The following PDE3B variants were observed in gnomAD, a reference collection of about 807,000 sequenced individuals.
PDE3B encodes the protein phosphodiesterase 3B, also known as cGMP-inhibited 3',5'-cyclic phosphodiesterase 3B.
In PDE3B, 66 loss-of-function variants were observed where a neutral mutation model predicts 116.8. That is an observed-to-expected ratio of 0.56 (90% confidence interval 0.46 to 0.69). The LOEUF is 0.69. PDE3B is among the 30% of genes least tolerant of loss of function. The pLI is 0.00. For synonymous variants in PDE3B, 595 were observed against 533.6 expected (o/e 1.12, Z -1.59); for missense variants, 1,384 against 1,368.1 (o/e 1.01, Z -0.18).
chr11:14,811,190 A>G (rs1859115784), intron 5 of PDE3B, among the ~76,000 whole-genome samples: 1 of 151,942 alleles, frequency 6.6e-6, no homozygotes, highest in African/African-American at 2.4e-5. Context: ...CCATTTGTCA[A>G]TTTTGGCTTT....
chr11:14,813,164 A>G (rs1859205833), intron 5 of PDE3B, among the ~76,000 whole-genome samples: 1 of 152,196 alleles, frequency 6.6e-6, no homozygotes, highest in African/African-American at 2.4e-5. Flanking sequence ...ATCCAAAGGG[A>G]CTAACACACT....
At chr11:14,742,342 A>G (rs1004880040) in intron 1 of PDE3B, among the ~76,000 whole-genome samples, 12 of 152,022 alleles carry the variant, frequency 7.9e-5, no homozygotes, top group African/African-American at 1.7e-4. Context: ...TTGATCTTCA[A>G]TCTCTGATAT....
chr11:14,774,823 A>G (rs1307794584), intron 2 of PDE3B: 3 of 152,238 alleles, frequency 2.0e-5, no homozygotes, highest in Non-Finnish European at 4.4e-5. Flanking sequence ...AAGAACTTAC[A>G]CAACATGGTT....
chr11:14,674,780 A>G (rs1047085565), intron 1 of PDE3B, among the ~76,000 whole-genome samples: 2 of 152,170 alleles, frequency 1.3e-5, no homozygotes, highest in African/African-American at 2.4e-5. Context: ...CCTGATTGCA[A>G]CTGGGATGGA....
chr11:14,643,880 C>T lies in PDE3B; in HGVS notation c.-196C>T. ...GAGAGAAGCCCCTTCCGCCCCTCTC[C>T]TCAGCCAGCATGTCCCGGACTCCGC... is the stretch of plus-strand genomic sequence containing the variant. On this transcript the variant is annotated 5_prime_UTR_variant, in exon 1 of 16. Transcript: ENST00000282096. 1.3e-6 allele frequency: 1 copy of T among 758,230 alleles called. No homozygotes were observed. Among genetic ancestry groups the T allele is most frequent in the Admixed American group, 4.1e-5 (1 of 24,474 alleles). The allele number at this position is 758,230 out of a possible 1,614,324, so 47.0% of individuals were successfully genotyped here. A position where few individuals can be genotyped will look rare whatever the true frequency, so the allele number is the denominator to read the frequency against.
At chr11:14,715,115 A>T (rs1291759234) in intron 1 of PDE3B, among the ~76,000 whole-genome samples, 2 of 152,206 alleles carry the variant, frequency 1.3e-5, no homozygotes, top group African/African-American at 4.8e-5. Context: ...CAATTATTAA[A>T]ATAATGATAA....
intron 1 of PDE3B, among the ~76,000 whole-genome samples, chr11:14,752,338 A>G (rs940045122): frequency 2.0e-5 from 3 of 152,120 alleles, no homozygotes; most frequent in African/African-American, 7.2e-5. Flanking sequence ...AAAGAGTTTT[A>G]CTTTCTCTTT....
chr11:14,863,157 T>C (rs1555007510), intron 14 of PDE3B, among the ~76,000 whole-genome samples: 4 of 152,194 alleles, frequency 2.6e-5, no homozygotes, highest in Admixed American at 1.3e-4. Flanking sequence ...GTTTCTGTTT[T>C]TGCTGAGAAT....
intron 1 of PDE3B, among the ~76,000 whole-genome samples, chr11:14,666,532 C>T (rs1301501698): frequency 3.3e-5 from 5 of 150,982 alleles, no homozygotes; most frequent in Non-Finnish European, 7.4e-5. Context: ...GCAACCTACT[C>T]ATCTGACAAA....
Position 14,789,211 on chromosome 11 carries a change from A to C in PDE3B, c.1384A>C (p.Lys462Gln). The change falls in exon 4 of 16, where the codon AAA (lysine) becomes CAA (glutamine). Residue 462 changes from lysine to glutamine, a missense_variant. Lys to Gln is a moderately conservative substitution (Grantham distance 53). Around this residue, in one of 2 missense-constraint regions of PDE3B, gnomAD observed 956 missense variants for 806.8 expected, o/e 1.18. Coordinates refer to ENST00000282096, the MANE Select transcript of PDE3B (RefSeq NM_000922.4). ...QSSRWDRNNGKRPHQEFGISS... is the reference protein window; with the variant it reads ...QSSRWDRNNGQRPHQEFGISS... ...TTCAAGGTGGGATCGTAATAATGGC[A>C]AAAGACCTCACCAAGAATTTGGCAT... The C allele has an allele frequency of 6.2e-7, 1 of 1,608,366 alleles. No homozygotes were observed. The highest frequency in any genetic ancestry group is 8.5e-7 in the Non-Finnish European group (1 of 1,176,810).
In PDE3B at chr11:14,756,906, C is replaced by A. The variant is rs377683328; in HGVS notation, c.979-15031C>A. On this transcript the variant is annotated intron_variant, in intron 1 of 15. Transcript: ENST00000282096. ...CATGCTGGTGTGCTGCACCCACTAACTCGTCATCTAGCATTAGGTATATCT... is the reference window on the plus strand; with the variant it reads ...CATGCTGGTGTGCTGCACCCACTAAATCGTCATCTAGCATTAGGTATATCT... Among the ~76,000 whole-genome samples the A allele has an allele frequency of 6.7e-5, 10 of 149,774 alleles. No homozygotes were observed. In the East Asian group the frequency reaches 1.6e-3, roughly 24 times the overall value.
At chr11:14,896,111 C>T in the PDE3B span, among the ~76,000 whole-genome samples, 1 of 152,218 alleles carries the variant, frequency 6.6e-6, no homozygotes, top group African/African-American at 2.4e-5. Context: ...CCAACCAATC[C>T]TTGCCACTTC....
chr11:14,673,825 C>A, intron 1 of PDE3B: 2 of 1,006,946 alleles, frequency 2.0e-6, no homozygotes, highest in Non-Finnish European at 3.2e-6. Context: ...GCAAGAATTT[C>A]GGCATACTGT....
At chr11:14,823,830 C>T (rs866729083) in intron 7 of PDE3B, among the ~76,000 whole-genome samples, 19 of 152,190 alleles carry the variant, frequency 1.2e-4, no homozygotes, top group Non-Finnish European at 2.9e-5. Context: ...AATCTCATAT[C>T]TCTTCACTGG....
the PDE3B span, among the ~76,000 whole-genome samples, chr11:14,894,800 C>T: frequency 2.0e-5 from 3 of 152,174 alleles, no homozygotes; most frequent in Non-Finnish European, 2.9e-5. Flanking sequence ...CTCCCTTATT[C>T]CCCCTTCTTG....
At position 14,832,420 on chromosome 11, in the gene PDE3B, G is replaced by T. The variant is rs189175215; in HGVS notation, c.2095-302G>T. Among the ~76,000 whole-genome samples, 266 of 152,242 alleles carry T rather than the reference G, an allele frequency of 1.7e-3. 1 individual carries two copies. Among genetic ancestry groups the T allele is most frequent in the African/African-American group, 5.9e-3 (247 of 41,550 alleles). On this transcript the variant is annotated intron_variant, in intron 9 of 15. Coordinates refer to ENST00000282096, the MANE Select transcript of PDE3B (RefSeq NM_000922.4). ...GTTTTTAATACCCAGGACTAGATTAGAATAGAATTCACATGACCTTCAGTA... is the reference window on the plus strand; with the variant it reads ...GTTTTTAATACCCAGGACTAGATTATAATAGAATTCACATGACCTTCAGTA...
At chr11:14,878,172 C>G in the PDE3B span, 2 of 1,613,162 alleles carry the variant, frequency 1.2e-6, no homozygotes, top group Non-Finnish European at 1.7e-6. Context: ...AATGTCATGC[C>G]TAACCTGGGC....
At chr11:14,645,165 A>T in intron 1 of PDE3B, 112 bp downstream of exon 1, 2 of 176,796 alleles carry the variant, frequency 1.1e-5, no homozygotes, top group Non-Finnish European at 1.9e-5. Flanking sequence ...GAATGGAAAA[A>T]GGGTGTGTTG....
intron 11 of PDE3B, among the ~76,000 whole-genome samples, chr11:14,836,338 A>C (rs1052731803): frequency 1.3e-5 from 2 of 152,134 alleles, no homozygotes; most frequent in Non-Finnish European, 1.5e-5. Flanking sequence ...ATATAAATAT[A>C]ATATGTTCCT....
Sources: allele counts gnomAD v4.1 joint callset (sites outside exome capture counted in the v4.1 genomes callset), GRCh38; gene constraint gnomAD v4.1.1; regional missense constraint gnomAD v4.1.1; transcripts MANE v1.5; gene names NCBI Gene and HGNC (gene_info 2026-07-23, HGNC 2026-07-21).